NKAIN3: variants seen among roughly 807,000 people sequenced by gnomAD.
The protein encoded by NKAIN3 is sodium/potassium transporting ATPase interacting 3, also known as sodium/potassium-transporting ATPase subunit beta-1-interacting protein 3.
In NKAIN3, 25 loss-of-function variants were observed where a neutral mutation model predicts 30.2. The ratio of observed to expected loss-of-function variants is 0.83; its 90% CI spans 0.60 to 1.16. The LOEUF is 1.16. Ranked by LOEUF, NKAIN3 falls within the 50% of genes most tolerant of loss-of-function variation. NKAIN3 has a pLI of 0.00. For synonymous variants in NKAIN3, 91 were observed against 89.6 expected (o/e 1.02, Z -0.09); for missense variants, 225 against 254.1 (o/e 0.89, Z 0.78).
At chr8:62,797,743 G>T (rs889658968) in intron 4 of NKAIN3, among the ~76,000 whole-genome samples, 8 of 152,278 alleles carry the variant, frequency 5.3e-5, no homozygotes, top group Middle Eastern at 6.8e-3. Context: ...CTAACCCTCA[G>T]TGACTCAGAA....
At chr8:62,858,033 T>TTTC (rs1820113748) in intron 4 of NKAIN3, among the ~76,000 whole-genome samples, 1 of 41,348 alleles carries the variant, frequency 2.4e-5, no homozygotes, top group African/African-American at 1.5e-4. Flanking sequence ...ACAGGGATTT[T>TTTC]TTCTTGTTGT....
At position 62,506,476 on chromosome 8, in the gene NKAIN3, C is replaced by CTTTCTTTCTT. The variant is rs71559373; in HGVS notation, c.55-73060_55-73059insCTTTCTTTTT. On this transcript the variant is annotated intron_variant, in intron 1 of 6. Coordinates refer to ENST00000623646, the MANE Select transcript of NKAIN3 (RefSeq NM_001304533.3). The stretch of plus-strand genomic sequence containing the variant: ...TCTGCTTTTTCTTTTTTCTTTCTTT[C>CTTTCTTTCTT]TTTTTTTTTTTTTTTTGAGACAGAG... Among the ~76,000 whole-genome samples, 348 of 98,420 alleles carry CTTTCTTTCTT rather than the reference C, an allele frequency of 3.5e-3. 19 individuals carry two copies. Among genetic ancestry groups the CTTTCTTTCTT allele is most frequent in the Middle Eastern group, 0.016 (2 of 128 alleles). 64.6% of individuals were successfully genotyped at this position (98,420 alleles called of 152,430 possible). A position where few individuals can be genotyped will look rare whatever the true frequency, so the allele number is the denominator to read the frequency against.
At position 62,739,336 on chromosome 8, in the gene NKAIN3, T is replaced by C. The variant is rs140033947; in HGVS notation, c.274-7596T>C. Among the ~76,000 whole-genome samples the C allele has an allele frequency of 4.5e-3, 686 of 152,332 alleles. 5 individuals carry two copies. Among genetic ancestry groups the C allele is most frequent in the African/African-American group, 0.016 (656 of 41,578 alleles). ...TCTATTTGTAAACTGTGGATTTCTT[T>C]GGAGCATTGTCCTCATAAACTTTTT... On this transcript the variant is annotated intron_variant, in intron 3 of 6. Transcript: ENST00000623646.
intron 1 of NKAIN3, among the ~76,000 whole-genome samples, chr8:62,471,972 A>C (rs1052105128): frequency 8.6e-5 from 13 of 151,612 alleles, no homozygotes; most frequent in Non-Finnish European, 1.5e-4. Context: ...TCAAACCAAC[A>C]AACAAACAAA....
chr8:62,709,192 T>C (rs1416264274), intron 3 of NKAIN3, among the ~76,000 whole-genome samples: 4 of 152,152 alleles, frequency 2.6e-5, no homozygotes, highest in Admixed American at 1.3e-4. Context: ...CTTTTCTGGC[T>C]ATGTCCTTTC....
At chr8:62,767,044 C>A (rs1288388577) in intron 4 of NKAIN3, among the ~76,000 whole-genome samples, 1 of 152,008 alleles carries the variant, frequency 6.6e-6, no homozygotes, top group Non-Finnish European at 1.5e-5. Context: ...CATCTATTGT[C>A]TTTGCCTGCC....
At chr8:62,705,003 T>A (rs1038717187) in intron 3 of NKAIN3, among the ~76,000 whole-genome samples, 10 of 152,224 alleles carry the variant, frequency 6.6e-5, no homozygotes, top group African/African-American at 2.4e-4. Flanking sequence ...CTGAAAGTCC[T>A]TAAGAACTTA....
chr8:62,751,199 G>T (rs927442511), intron 4 of NKAIN3, among the ~76,000 whole-genome samples: 1 of 152,078 alleles, frequency 6.6e-6, no homozygotes, highest in Non-Finnish European at 1.5e-5. Context: ...GCATGGAATG[G>T]GTTCTCCCCC....
intron 4 of NKAIN3, among the ~76,000 whole-genome samples, chr8:62,879,842 G>A (rs1252631644): frequency 6.6e-6 from 1 of 152,090 alleles, no homozygotes; most frequent in African/African-American, 2.4e-5. Flanking sequence ...TTGCACCAAG[G>A]ACTCAGAATC....
intron 1 of NKAIN3, among the ~76,000 whole-genome samples, chr8:62,533,105 A>T (rs1250254149): frequency 6.6e-6 from 1 of 152,184 alleles, no homozygotes; most frequent in Non-Finnish European, 1.5e-5. Flanking sequence ...AATATACAAT[A>T]GTGGAATAAT....
intron 3 of NKAIN3, among the ~76,000 whole-genome samples, chr8:62,596,781 T>C (rs1217979141): frequency 6.6e-6 from 1 of 152,066 alleles, no homozygotes; most frequent in Non-Finnish European, 1.5e-5. Flanking sequence ...AGGGAACCTC[T>C]AAAAGGTCCC....
intron 3 of NKAIN3, among the ~76,000 whole-genome samples, chr8:62,682,767 T>G (rs1456904531): frequency 6.6e-6 from 1 of 152,056 alleles, no homozygotes; most frequent in Admixed American, 6.6e-5. Context: ...ATAATCTTCC[T>G]GGGAACATAA....
intron 1 of NKAIN3, among the ~76,000 whole-genome samples, chr8:62,293,309 C>T (rs140404646): frequency 0.035 from 5,361 of 152,242 alleles, 343 homozygotes; most frequent in African/African-American, 0.12. Context: ...GGAGAAGAGG[C>T]GCTCTGATTT....
At chr8:62,456,811 G>T (rs890563442) in intron 1 of NKAIN3, among the ~76,000 whole-genome samples, 4 of 152,210 alleles carry the variant, frequency 2.6e-5, no homozygotes, top group African/African-American at 9.6e-5. Flanking sequence ...AAAAATCATG[G>T]CTTAGATCAG....
rs200081137 is a variant in NKAIN3, at chr8:62,812,606, G to GT, written c.471+65486dup. ...TCACTCACTTATTAGTTCTAGGAGA[G>GT]TTTTTTTTTAATTCTTAGAATTTTT... On this transcript the variant is annotated intron_variant, in intron 4 of 6. Coordinates refer to ENST00000623646, the MANE Select transcript of NKAIN3 (RefSeq NM_001304533.3). Among the ~76,000 whole-genome samples, 201 of 150,738 alleles carry GT rather than the reference G, an allele frequency of 1.3e-3. 1 individual carries two copies. Among genetic ancestry groups the GT allele is most frequent in the African/African-American group, 3.5e-3 (146 of 41,214 alleles).
At chr8:62,833,360 A>C (rs1819256536) in intron 4 of NKAIN3, among the ~76,000 whole-genome samples, 1 of 152,080 alleles carries the variant, frequency 6.6e-6, no homozygotes, top group African/African-American at 2.4e-5. Flanking sequence ...AAGATGTACA[A>C]ATCCATACAA....
chr8:62,941,080 A>C (rs1372980352), intron 5 of NKAIN3, among the ~76,000 whole-genome samples: 1 of 152,014 alleles, frequency 6.6e-6, no homozygotes, highest in Non-Finnish European at 1.5e-5. Context: ...GATATTACAA[A>C]GAATAACACA....
intron 1 of NKAIN3, among the ~76,000 whole-genome samples, chr8:62,322,943 A>C (rs149992012): frequency 3.2e-4 from 49 of 152,338 alleles, no homozygotes; most frequent in African/African-American, 1.1e-3. Flanking sequence ...CATCCACATC[A>C]TAACTCATCA....
rs376699407 is a variant in NKAIN3 at position 62,515,161 on chromosome 8, T to G, written c.55-64378T>G. 5.3e-5 allele frequency among the ~76,000 whole-genome samples: 8 copies of G among 152,286 alleles called. No individual in the cohort carries two copies. The East Asian group carries it at 1.4e-3, about 26-fold the overall frequency. On this transcript the variant is annotated intron_variant, in intron 1 of 6. Coordinates refer to ENST00000623646, the MANE Select transcript of NKAIN3 (RefSeq NM_001304533.3). ...TCACAAAAACAAAATTATGCTACAT[T>G]TTAAGAAAAGAAAATTGTGCTAAAG...
Sources: allele counts gnomAD v4.1 joint callset (sites outside exome capture counted in the v4.1 genomes callset), GRCh38; gene constraint gnomAD v4.1.1; transcripts MANE v1.5; gene names NCBI Gene and HGNC (gene_info 2026-07-23, HGNC 2026-07-21).